The following NKAIN3 variants were observed in gnomAD, a reference collection of about 807,000 sequenced individuals.
The protein encoded by NKAIN3 is sodium/potassium-transporting ATPase subunit beta-1-interacting protein 3.
In NKAIN3, 25 loss-of-function variants were observed where a neutral mutation model predicts 30.2. That is an observed-to-expected ratio of 0.83 (90% CI 0.60 to 1.16). NKAIN3 has a LOEUF of 1.16. Ranked by LOEUF, NKAIN3 falls within the 50% of genes most tolerant of loss-of-function variation. The pLI, the probability that NKAIN3 is intolerant of heterozygous loss-of-function variation, is 0.00. For synonymous variants in NKAIN3, 91 were observed against 89.6 expected, an observed-to-expected ratio of 1.02 and a Z score of -0.09; for missense variants, 225 against 254.1, an observed-to-expected ratio of 0.89 and a Z score of 0.78.
intron 1 of NKAIN3, among the ~76,000 whole-genome samples, chr8:62,253,750 G>GTGTC (rs765064588): frequency 1.4e-4 from 21 of 152,138 alleles, no homozygotes; most frequent in Admixed American, 2.6e-4. Context: ...GTGTTAAGAG[G>GTGTC]TGTCTGTAGG....
chr8:62,421,595 G>A (rs1804641884), intron 1 of NKAIN3, among the ~76,000 whole-genome samples: 1 of 151,292 alleles, frequency 6.6e-6, no homozygotes, highest in Non-Finnish European at 1.5e-5. Context: ...GGATTTGGCT[G>A]CAATTGGAGT....
chr8:62,581,753 C>A lies in NKAIN3; in HGVS notation c.192+2077C>A, dbSNP rs4422765. The stretch of plus-strand genomic sequence containing the variant: ...CCTTCCTCCCTCCCTCCATCCATCC[C>A]TTCTTTCCTTCCTTCCTCCCTCCCT... On this transcript the variant is annotated intron_variant, in intron 2 of 6. Transcript: ENST00000623646. Among the ~76,000 whole-genome samples the A allele has an allele frequency of 1.2e-3, 143 of 120,624 alleles. 6 individuals are homozygous for A. Among genetic ancestry groups the A allele is most frequent in the Non-Finnish European group, 2.1e-3 (108 of 52,414 alleles). 79.1% of individuals were successfully genotyped at this position (120,624 alleles called of 152,430 possible). A position where few individuals can be genotyped will look rare whatever the true frequency, so the allele number is the denominator to read the frequency against.
At chr8:62,353,209 CA>C (rs1432843327) in intron 1 of NKAIN3, among the ~76,000 whole-genome samples, 4 of 151,756 alleles carry the variant, frequency 2.6e-5, no homozygotes, top group South Asian at 2.1e-4. Context: ...GCCTGTTTTA[CA>C]AAAAAATAAA....
chr8:62,680,847 A>C (rs1393661409), intron 3 of NKAIN3, among the ~76,000 whole-genome samples: 1 of 152,194 alleles, frequency 6.6e-6, no homozygotes, highest in East Asian at 1.9e-4. Context: ...ATTTAATTGT[A>C]ACCAATTTTG....
intron 5 of NKAIN3, among the ~76,000 whole-genome samples, chr8:62,937,367 GA>G (rs1256756437): frequency 2.6e-5 from 4 of 152,196 alleles, no homozygotes; most frequent in African/African-American, 9.7e-5. Flanking sequence ...CAAAGTGTGA[GA>G]GGGGGAATGT....
At chr8:62,417,755 C>A (rs1804495303) in intron 1 of NKAIN3, among the ~76,000 whole-genome samples, 2 of 151,874 alleles carry the variant, frequency 1.3e-5, no homozygotes, top group African/African-American at 4.8e-5. Flanking sequence ...TGCCTGTTTG[C>A]CATTTATTTG....
chr8:62,859,097 C>T (rs759898091), intron 4 of NKAIN3, among the ~76,000 whole-genome samples: 7 of 152,164 alleles, frequency 4.6e-5, no homozygotes, highest in African/African-American at 7.2e-5. Flanking sequence ...TCTCCTGATC[C>T]GCAGGTTGCA....
intron 4 of NKAIN3, among the ~76,000 whole-genome samples, chr8:62,881,943 C>T (rs574299629): frequency 3.5e-4 from 53 of 152,288 alleles, no homozygotes; most frequent in Non-Finnish European, 6.3e-4. Context: ...TTTGGCCATT[C>T]TAATAGGTGT....
intron 3 of NKAIN3, among the ~76,000 whole-genome samples, chr8:62,630,961 C>G (rs1811938474): frequency 6.6e-6 from 1 of 152,114 alleles, no homozygotes; most frequent in Admixed American, 6.6e-5. Flanking sequence ...TATCTCTCTT[C>G]TATCAGCCAA....
chr8:62,796,962 A>C (rs1003664080), intron 4 of NKAIN3, among the ~76,000 whole-genome samples: 1 of 152,218 alleles, frequency 6.6e-6, no homozygotes, highest in Non-Finnish European at 1.5e-5. Flanking sequence ...TTTTAGACTA[A>C]CTTAAAGACA....
chr8:62,812,898 A>T (rs1818537776), intron 4 of NKAIN3, among the ~76,000 whole-genome samples: 1 of 151,930 alleles, frequency 6.6e-6, no homozygotes, highest in Non-Finnish European at 1.5e-5. Flanking sequence ...AATAAAATCA[A>T]TAGTTCATTA....
chr8:62,488,748 T>C (rs1806978836), intron 1 of NKAIN3, among the ~76,000 whole-genome samples: 1 of 152,134 alleles, frequency 6.6e-6, no homozygotes, highest in African/African-American at 2.4e-5. Context: ...AAATAAACCA[T>C]ATTTTATTGT....
At chr8:62,951,239 G>A (rs961426762) in intron 5 of NKAIN3, among the ~76,000 whole-genome samples, 2 of 152,014 alleles carry the variant, frequency 1.3e-5, no homozygotes, top group Admixed American at 6.6e-5. Flanking sequence ...TCAGTGGAGA[G>A]CACCTGGAAG....
In NKAIN3 at chr8:62,767,813, G is replaced by T. The variant is rs926760279; in HGVS notation, c.471+20684G>T. Among the ~76,000 whole-genome samples, 13 of 151,716 alleles carry T rather than the reference G, an allele frequency of 8.6e-5. 1 individual carries two copies. Among genetic ancestry groups the T allele is most frequent in the Admixed American group, 8.6e-4 (13 of 15,178 alleles). On this transcript the variant is annotated intron_variant, in intron 4 of 6. Coordinates refer to ENST00000623646, the MANE Select transcript of NKAIN3 (RefSeq NM_001304533.3). The stretch of plus-strand genomic sequence containing the variant: ...GCATGTGGCAGGTCCAAATGAGAGT[G>T]CTTTAAGTATAGAATGCACACTAGA...
chr8:62,440,453 T>G (rs2129598164), intron 1 of NKAIN3, among the ~76,000 whole-genome samples: 1 of 152,226 alleles, frequency 6.6e-6, no homozygotes, highest in South Asian at 2.1e-4. Flanking sequence ...TCCTCAGTCT[T>G]AGAAAATAAA....
rs563929936 is a variant in NKAIN3, at chr8:62,895,269, A to ACCAAAGG, written c.472-23173_472-23167dup. ...TTCATTAGATTTCAGTGGTACCAAA[A>ACCAAAGG]CCAAAGGCCAAAGGCCAGGGCTGAT... On this transcript the variant is annotated intron_variant, in intron 4 of 6. Coordinates refer to ENST00000623646, the MANE Select transcript of NKAIN3 (RefSeq NM_001304533.3). Among the ~76,000 whole-genome samples the ACCAAAGG allele has an allele frequency of 1.9e-4, 29 of 152,294 alleles. No individual in the cohort carries two copies. The East Asian group carries it at 2.1e-3, about 11-fold the overall frequency.
At chr8:62,345,430 CATATATGT>C (rs1563942535) in intron 1 of NKAIN3, among the ~76,000 whole-genome samples, 26 of 119,996 alleles carry the variant, frequency 2.2e-4, no homozygotes, top group Admixed American at 6.8e-4. Flanking sequence ...CATATATACA[CATATATGT>C]ATATATACAC....
At chr8:62,994,430 G>C (rs1267339586) in intron 5 of NKAIN3, among the ~76,000 whole-genome samples, 1 of 152,134 alleles carries the variant, frequency 6.6e-6, no homozygotes, top group Non-Finnish European at 1.5e-5. Flanking sequence ...GAATGTCTCA[G>C]GAATGATGTA....
At chr8:62,663,929 C>A (rs1323673348) in intron 3 of NKAIN3, among the ~76,000 whole-genome samples, 1 of 152,022 alleles carries the variant, frequency 6.6e-6, no homozygotes, top group African/African-American at 2.4e-5. Flanking sequence ...TCCTGCATAA[C>A]CCTGAAGAGT....
Sources: allele counts gnomAD v4.1 joint callset (sites outside exome capture counted in the v4.1 genomes callset), GRCh38; gene constraint gnomAD v4.1.1; transcripts MANE v1.5; gene names NCBI Gene and HGNC (gene_info 2026-07-23, HGNC 2026-07-21).